Variants in RBM19 observed in about 807,000 individuals in gnomAD.
RBM19 encodes RNA binding motif protein 19, also known as probable RNA-binding protein 19.
A neutral mutation model predicts 116.8 loss-of-function variants in RBM19; 94 were observed. That is an observed-to-expected ratio of 0.80 (90% CI 0.68 to 0.95). The LOEUF (loss-of-function observed/expected upper bound fraction) is 0.95. RBM19 is among the 40% of genes least tolerant of loss of function. The probability of loss-of-function intolerance (pLI) is 0.00; values close to 1 mark genes in which losing one functional copy is unlikely to be tolerated. For synonymous variants in RBM19, 475 were observed against 494.1 expected (o/e 0.96, Z 0.51); for missense variants, 1,161 against 1,220.7 (o/e 0.95, Z 0.73).
intron 20 of RBM19, among the ~76,000 whole-genome samples, chr12:113,918,142 GA>G (rs11301787): frequency 0.37 from 53,828 of 147,406 alleles, 10,176 homozygotes; most frequent in South Asian, 0.52. Flanking sequence ...AAAAAAAAAA[GA>G]AAAAAAAAAG....
intron 23 of RBM19, among the ~76,000 whole-genome samples, chr12:113,834,130 G>A (rs981129879): frequency 2.0e-5 from 3 of 152,150 alleles, no homozygotes; most frequent in African/African-American, 7.2e-5. Flanking sequence ...GTAGGGCAGG[G>A]GAGGGGGGCA....
chr12:113,885,313 C>T (rs1205892683), intron 21 of RBM19, among the ~76,000 whole-genome samples: 1 of 152,184 alleles, frequency 6.6e-6, no homozygotes, highest in African/African-American at 2.4e-5. Flanking sequence ...AATCATCCCA[C>T]AAACCCAATC....
At chr12:113,833,270 C>T (rs1173516877) in intron 23 of RBM19, among the ~76,000 whole-genome samples, 1 of 152,212 alleles carries the variant, frequency 6.6e-6, no homozygotes, top group Admixed American at 6.5e-5. Context: ...GCAAGTCTGG[C>T]TGGCTCTACC....
intron 8 of RBM19, 40 bp downstream of exon 8, chr12:113,952,472 G>A: frequency 6.4e-7 from 1 of 1,555,828 alleles, no homozygotes. Flanking sequence ...AATCTTCACT[G>A]TCTACCCGCC....
chr12:113,947,348 C>T lies in RBM19; in HGVS notation c.1393G>A (p.Gly465Arg), dbSNP rs776928102. Reference sequence around the variant, plus strand: ...CGGGGCCTCACCTGGAATACCTGCCCGTCCACCTCCGAGTAGGCCTTCACA... The same window carrying T: ...CGGGGCCTCACCTGGAATACCTGCCTGTCCACCTCCGAGTAGGCCTTCACA... ...HAVKAYSEVD[G>R]QVFQGRMLHV... is the part of the protein sequence containing the mutation. The change falls in exon 11 of 24, where the codon GGG (glycine) becomes AGG (arginine). Residue 465 changes from glycine (G) to arginine (R), a missense_variant. Transcript: ENST00000261741. 30 of 1,599,712 alleles carry T rather than the reference C, an allele frequency of 1.9e-5. No individual in the cohort carries two copies. Among genetic ancestry groups the T allele is most frequent in the East Asian group, 1.6e-4 (7 of 44,480 alleles).
At chr12:113,920,817 C>A (rs1036483037) in intron 18 of RBM19, 127 bp from the exon 19 acceptor site, 1 of 824,012 alleles carries the variant, frequency 1.2e-6, no homozygotes, top group Non-Finnish European at 2.0e-6. Context: ...TTCATTCCCC[C>A]CAAAAATCTC....
At chr12:113,872,498 GCCGCCC>G (rs1565988980) in intron 21 of RBM19, among the ~76,000 whole-genome samples, 36 of 134,114 alleles carry the variant, frequency 2.7e-4, no homozygotes, top group African/African-American at 9.3e-4. Context: ...TGCCCGGCCA[GCCGCCC>G]CATCCGGGAG....
downstream of RBM19, chr12:113,817,472 T>G (rs1487040673): frequency 6.6e-6 from 1 of 152,380 alleles, no homozygotes; most frequent in Admixed American, 6.5e-5. Flanking sequence ...GGCCCGGCTA[T>G]TCTCCTCACC....
At chr12:113,944,103 T>TTTTTTTTTTG (rs1209031101) in intron 13 of RBM19, among the ~76,000 whole-genome samples, 2 of 137,212 alleles carry the variant, frequency 1.5e-5, no homozygotes, top group African/African-American at 5.4e-5. Flanking sequence ...GTTTTTTTTT[T>TTTTTTTTTTG]TTTTTTTTTT....
chr12:113,875,842 C>A (rs1879634900), intron 21 of RBM19, among the ~76,000 whole-genome samples: 1 of 152,242 alleles, frequency 6.6e-6, no homozygotes, highest in Non-Finnish European at 1.5e-5. Flanking sequence ...TGTGCTTCAT[C>A]TCCCAGCTGC....
intron 23 of RBM19, among the ~76,000 whole-genome samples, chr12:113,831,817 G>T (rs895826050): frequency 6.6e-6 from 1 of 152,242 alleles, no homozygotes; most frequent in Non-Finnish European, 1.5e-5. Flanking sequence ...CGCCCAGCGA[G>T]GCTCAGGCGT....
In RBM19 at chr12:113,955,167, G is replaced by A. The variant is rs1221320304; in HGVS notation, c.885C>T (p.Thr295=). The A allele has an allele frequency of 1.9e-6, 3 of 1,602,634 alleles. No homozygotes were observed. Among genetic ancestry groups the A allele is most frequent in the Non-Finnish European group, 1.7e-6 (2 of 1,171,908 alleles). Reference sequence around the variant, plus strand: ...TGAACGGGGCTCCCCGCAGCTTCACGGTGTGGCAGGTGGTGGGTTCCTTCT... The same window carrying A: ...TGAACGGGGCTCCCCGCAGCTTCACAGTGTGGCAGGTGGTGGGTTCCTTCT... ...ANQKEPTTCH[T]VKLRGAPFNV... is the part of the protein sequence containing the mutation. The change falls in exon 7 of 24, where the codon ACC becomes ACT. Residue 295 remains threonine, a synonymous_variant. Coordinates refer to ENST00000261741, the MANE Select transcript of RBM19 (RefSeq NM_016196.4).
intron 9 of RBM19, 25 bp from the exon 10 acceptor site, chr12:113,949,061 C>A (rs766460117): frequency 6.3e-7 from 1 of 1,598,192 alleles, no homozygotes; most frequent in Non-Finnish European, 8.6e-7. Flanking sequence ...AGTCAGGGCT[C>A]CAGGGGGAGG....
At chr12:113,956,149 A>G (rs1246644914) in intron 6 of RBM19, among the ~76,000 whole-genome samples, 1 of 152,158 alleles carries the variant, frequency 6.6e-6, no homozygotes, top group Non-Finnish European at 1.5e-5. Flanking sequence ...CTACTACCTC[A>G]CTGAAATATA....
chr12:113,948,834 A>T lies in RBM19; in HGVS notation c.1275T>A (p.Tyr425Ter). The change falls in exon 10 of 24, where the codon TAT becomes TAA. Residue 425 changes from tyrosine to a stop codon, truncating the protein, a stop_gained and splice_region_variant. Coordinates refer to ENST00000261741, the MANE Select transcript of RBM19 (RefSeq NM_016196.4). LOFTEE classifies it high-confidence loss of function. ...EEDLEKLFSK[Y>*]GPLSELHYPI... Reference sequence around the variant, plus strand: ...ACGGCCCGGAGGCCACACCCCTACCATATTTGGAGAAGAGCTTCTCCAGAT... The same window carrying T: ...ACGGCCCGGAGGCCACACCCCTACCTTATTTGGAGAAGAGCTTCTCCAGAT... 6.2e-7 allele frequency: 1 copy of T among 1,613,902 alleles called. No homozygotes were observed. The highest frequency in any genetic ancestry group is 1.7e-5 in the Admixed American group (1 of 60,008).
At chr12:113,941,767 G>C (rs1179901320) in intron 14 of RBM19, among the ~76,000 whole-genome samples, 1 of 152,196 alleles carries the variant, frequency 6.6e-6, no homozygotes, top group Non-Finnish European at 1.5e-5. Context: ...TGAAAGGGCT[G>C]TTTTGGGAGT....
In RBM19 at chr12:113,822,533, A is replaced by T. The variant is rs1874494218; in HGVS notation, c.*691T>A. On this transcript the variant is annotated 3_prime_UTR_variant, in exon 24 of 24. Transcript: ENST00000261741. ...AGCCGCTGGGAGGCTTCCCTGGGTG[A>T]CTGAACCAGGGCTCGTGGTCCCAAG... 1.3e-5 allele frequency: 2 copies of T among 152,110 alleles called. No individual in the cohort carries two copies. Among genetic ancestry groups the T allele is most frequent in the African/African-American group, 4.8e-5 (2 of 41,386 alleles). The allele number at this position is 152,110 out of a possible 1,614,324, so 9.4% of individuals were successfully genotyped here. A position where few individuals can be genotyped will look rare whatever the true frequency, so the allele number is the denominator to read the frequency against.
intron 21 of RBM19, among the ~76,000 whole-genome samples, chr12:113,890,393 T>A (rs1331794824): frequency 1.3e-5 from 2 of 152,180 alleles, no homozygotes; most frequent in Non-Finnish European, 1.5e-5. Context: ...TTATTCAGCA[T>A]CCTGCCATAG....
intron 21 of RBM19, among the ~76,000 whole-genome samples, chr12:113,869,073 T>G (rs1879039314): frequency 6.6e-6 from 1 of 152,180 alleles, no homozygotes; most frequent in Non-Finnish European, 1.5e-5. Context: ...AATGTGCTTA[T>G]CTGTGAAAAG....
Sources: gnomAD v4.1 joint callset for allele counts (sites outside exome capture counted in the v4.1 genomes callset) on GRCh38, gnomAD v4.1.1 for gene constraint, MANE v1.5 for transcripts, NCBI Gene and HGNC (gene_info 2026-07-23, HGNC 2026-07-21) for gene names.